SF3B3: variants seen among roughly 807,000 people sequenced by gnomAD.
SF3B3 encodes SAP 130.
Under a neutral mutation model 139.2 loss-of-function variants are expected in SF3B3, and 33 were observed. The ratio of observed to expected loss-of-function variants is 0.24; its 90% CI spans 0.18 to 0.32. The LOEUF is 0.32. Ranked by LOEUF, SF3B3 falls within the 10% of genes least tolerant of loss-of-function variation. The probability of loss-of-function intolerance (pLI) is 1.00; values close to 1 mark genes in which losing one functional copy is unlikely to be tolerated. For synonymous variants in SF3B3, 596 were observed against 563.6 expected (o/e 1.06, Z -0.81); for missense variants, 818 against 1,509.4 (o/e 0.54, Z 7.59).
intron 10 of SF3B3, among the ~76,000 whole-genome samples, chr16:70,545,510 C>T (rs1003384022): frequency 6.6e-6 from 1 of 152,122 alleles, no homozygotes; most frequent in Admixed American, 6.5e-5. Context: ...CTCTGTGTAT[C>T]GTAGTCCTAA....
At chr16:70,561,814 A>T in intron 17 of SF3B3, 30 bp downstream of exon 17, 1 of 1,604,408 alleles carries the variant, frequency 6.2e-7, no homozygotes, top group Non-Finnish European at 8.5e-7. Context: ...GAAGCTCAGC[A>T]GGAAGCCTTT....
intron 4 of SF3B3, 94 bp from the exon 5 acceptor site, chr16:70,532,385 T>TCTGTTTCC (rs2050130713): frequency 1.1e-6 from 1 of 888,216 alleles, no homozygotes; most frequent in African/African-American, 2.6e-5. Context: ...TTTGTGGACT[T>TCTGTTTCC]CTGTTTCCTC....
At chr16:70,569,873 C>G in intron 23 of SF3B3, 133 bp from the exon 24 acceptor site, 1 of 953,568 alleles carries the variant, frequency 1.0e-6, no homozygotes. Context: ...GCAATCCTCC[C>G]ACGTTGGCCT....
chr16:70,539,290 A>G, intron 8 of SF3B3, 83 bp downstream of exon 8: 1 of 959,276 alleles, frequency 1.0e-6, no homozygotes, highest in Non-Finnish European at 1.7e-6. Flanking sequence ...GCTCACGGCC[A>G]TAATCCTAGC....
At chr16:70,569,948 G>A (rs1597725531) in intron 23 of SF3B3, 58 bp from the exon 24 acceptor site, 17 of 1,601,812 alleles carry the variant, frequency 1.1e-5, no homozygotes, top group Non-Finnish European at 1.5e-5. Flanking sequence ...CTTGCCCTTG[G>A]GAGTCCAGGG....
In SF3B3 at chr16:70,571,024, G is replaced by A. The variant is rs8057766; in HGVS notation, c.3409-71G>A. 22,636 of 993,094 alleles carry A rather than the reference G, an allele frequency of 0.023. 2,887 individuals are homozygous for A. In the African/African-American group the frequency reaches 0.3, roughly 13 times the overall value. The allele number at this position is 993,094 out of a possible 1,614,324, so 61.5% of individuals were successfully genotyped here. A position where few individuals can be genotyped will look rare whatever the true frequency, so the allele number is the denominator to read the frequency against. Reference sequence around the variant, plus strand: ...GTAAAAATGAATGGCTTGTCTGTTCGTTGTGCTTGTGGAAACTCTAGACTA... The same window carrying A: ...GTAAAAATGAATGGCTTGTCTGTTCATTGTGCTTGTGGAAACTCTAGACTA... On this transcript the variant is annotated intron_variant, in intron 24 of 25. Transcript: ENST00000302516.
At chr16:70,536,493 T>G (rs1247993416) in intron 6 of SF3B3, among the ~76,000 whole-genome samples, 1 of 151,940 alleles carries the variant, frequency 6.6e-6, no homozygotes, top group Non-Finnish European at 1.5e-5. Context: ...GCCTCTCGGG[T>G]AGCTGGGACT....
intron 18 of SF3B3, among the ~76,000 whole-genome samples, chr16:70,564,534 C>T (rs2050457768): frequency 6.6e-6 from 1 of 152,110 alleles, no homozygotes; most frequent in African/African-American, 2.4e-5. Flanking sequence ...AATTAAGTTC[C>T]CTCTCTGAAA....
At chr16:70,533,279 C>T (rs555766162) in intron 5 of SF3B3, among the ~76,000 whole-genome samples, 3 of 152,074 alleles carry the variant, frequency 2.0e-5, no homozygotes, top group Admixed American at 6.6e-5. Context: ...CACTTGATCT[C>T]AGGAGTTTGA....
At chr16:70,540,192 C>T (rs1003170362) in intron 8 of SF3B3, among the ~76,000 whole-genome samples, 35 of 149,294 alleles carry the variant, frequency 2.3e-4, no homozygotes, top group African/African-American at 8.1e-4. Context: ...GTCGGGAGTT[C>T]GAGACCAGCC....
chr16:70,533,615 T>TA (rs2050141110), intron 5 of SF3B3, among the ~76,000 whole-genome samples: 1 of 152,110 alleles, frequency 6.6e-6, no homozygotes, highest in East Asian at 1.9e-4. Flanking sequence ...CATTGGAAAA[T>TA]ACACGTTACT....
intron 9 of SF3B3, 42 bp downstream of exon 9, chr16:70,541,876 T>C: frequency 6.5e-7 from 1 of 1,546,268 alleles, no homozygotes; most frequent in Non-Finnish European, 8.8e-7. Flanking sequence ...AGATCTAAAG[T>C]TAAACTGAGG....
intron 11 of SF3B3, chr16:70,550,676 C>G (rs2050315606): frequency 8.1e-6 from 8 of 984,922 alleles, no homozygotes; most frequent in African/African-American, 1.8e-5. Flanking sequence ...CTGATCACCA[C>G]AGGTGTGTAC....
chr16:70,557,913 CT>C (rs1187728481), intron 15 of SF3B3, among the ~76,000 whole-genome samples: 2 of 152,142 alleles, frequency 1.3e-5, no homozygotes, highest in Non-Finnish European at 2.9e-5. Context: ...ACAATAGTTC[CT>C]TATTACCATG....
chr16:70,528,131 T>C (rs2050082468), intron 2 of SF3B3, among the ~76,000 whole-genome samples: 1 of 151,692 alleles, frequency 6.6e-6, no homozygotes, highest in African/African-American at 2.4e-5. Flanking sequence ...AATTCAGTCT[T>C]CCTTTTTATC....
intron 3 of SF3B3, chr16:70,529,446 T>G (rs1188792508): frequency 1.9e-6 from 1 of 523,380 alleles, no homozygotes; most frequent in Non-Finnish European, 3.4e-6. Flanking sequence ...TTCTTTTTCT[T>G]TGGCAAAAAG....
At chr16:70,562,192 G>C (rs2050435381) in intron 17 of SF3B3, among the ~76,000 whole-genome samples, 1 of 152,164 alleles carries the variant, frequency 6.6e-6, no homozygotes, top group Non-Finnish European at 1.5e-5. Flanking sequence ...CCTTTTTCAA[G>C]TTGACAAAAC....
chr16:70,532,357 C>CGAAAAAAAAAAAAAA (rs2050129515), intron 4 of SF3B3, 122 bp from the exon 5 acceptor site: 1 of 430,832 alleles, frequency 2.3e-6, no homozygotes, highest in African/African-American at 3.7e-5. Flanking sequence ...CCTGTCTCTC[C>CGAAAAAAAAAAAAAA]AAAAAAAAAA....
chr16:70,559,416 G>A (rs1402865168), intron 15 of SF3B3, among the ~76,000 whole-genome samples: 1 of 152,154 alleles, frequency 6.6e-6, no homozygotes, highest in East Asian at 1.9e-4. Context: ...GTCAGGTGCT[G>A]TGGCTCACAC....
Sources: allele counts gnomAD v4.1 joint callset (sites outside exome capture counted in the v4.1 genomes callset), GRCh38; gene constraint gnomAD v4.1.1; transcripts MANE v1.5; gene names NCBI Gene and HGNC (gene_info 2026-07-23, HGNC 2026-07-21).